The following LGR6 variants were observed in gnomAD, a reference collection of about 807,000 sequenced individuals.
LGR6 encodes leucine rich repeat containing G protein-coupled receptor 6, also known as leucine-rich repeat-containing G protein-coupled receptor 6.
In LGR6, 45 loss-of-function variants were observed where a neutral mutation model predicts 69.4. That is an observed-to-expected ratio of 0.65 (90% CI 0.51 to 0.83). LGR6 has a LOEUF of 0.83. Among genes scored for constraint, LGR6 ranks in the 40% least tolerant of loss-of-function variants. LGR6 has a pLI of 0.00. For synonymous variants in LGR6, 538 were observed against 555.0 expected (o/e 0.97, Z 0.43); for missense variants, 1,108 against 1,246.7 (o/e 0.89, Z 1.68).
At chr1:202,264,818 T>C (rs1013244770) in intron 4 of LGR6, among the ~76,000 whole-genome samples, 4 of 152,120 alleles carry the variant, frequency 2.6e-5, no homozygotes, top group African/African-American at 9.7e-5. Flanking sequence ...TATCATCCTT[T>C]GATGTATACA....
intron 1 of LGR6, among the ~76,000 whole-genome samples, chr1:202,224,728 G>A (rs1660393169): frequency 6.6e-6 from 1 of 152,222 alleles, no homozygotes; most frequent in Non-Finnish European, 1.5e-5. Context: ...AGGAGGTGGA[G>A]CTCAGGCGGG....
At chr1:202,229,381 C>T (rs534807484) in intron 3 of LGR6, among the ~76,000 whole-genome samples, 2 of 152,330 alleles carry the variant, frequency 1.3e-5, no homozygotes, top group South Asian at 4.1e-4. Context: ...TCCCCATAAA[C>T]TTCTCTGCCC....
At chr1:202,284,414 A>T (rs764441442) in intron 6 of LGR6, among the ~76,000 whole-genome samples, 2 of 152,202 alleles carry the variant, frequency 1.3e-5, no homozygotes, top group Non-Finnish European at 2.9e-5. Context: ...GACCAAATGT[A>T]GGTATTTGGG....
rs138106370 is a variant in LGR6, at chr1:202,298,524, C to CTT, written c.785+949_785+950insTT. On this transcript the variant is annotated intron_variant, in intron 7 of 17. Coordinates refer to ENST00000367278, the MANE Select transcript of LGR6 (RefSeq NM_001017403.2). Reference sequence around the variant, plus strand: ...CCCAAATTTTCAGGCAGCTTAGTATCTATTTTTTTTTTTTTTGAGACGGAG... The same window carrying CTT: ...CCCAAATTTTCAGGCAGCTTAGTATCTTTATTTTTTTTTTTTTTGAGACGGAG... The CTT allele has an allele frequency of 5.8e-3, 845 of 145,328 alleles. 17 individuals carry two copies. Among genetic ancestry groups the CTT allele is most frequent in the Non-Finnish European group, 8.3e-3 (551 of 66,282 alleles). The allele number at this position is 145,328 out of a possible 1,614,324, so 9.0% of individuals were successfully genotyped here.
chr1:202,232,671 T>TA (rs140473199), intron 3 of LGR6, among the ~76,000 whole-genome samples: 46,919 of 151,962 alleles, frequency 0.31, 8,041 homozygotes, highest in Non-Finnish European at 0.4. Flanking sequence ...AAAAAAATGT[T>TA]AAAACCTTGT....
intron 4 of LGR6, among the ~76,000 whole-genome samples, chr1:202,237,377 C>A (rs933787050): frequency 6.6e-6 from 1 of 152,234 alleles, no homozygotes; most frequent in Admixed American, 6.5e-5. Context: ...GGCACCAGCG[C>A]AGCAGGGACA....
intron 4 of LGR6, among the ~76,000 whole-genome samples, chr1:202,256,307 G>A (rs1334179263): frequency 2.6e-5 from 4 of 151,854 alleles, no homozygotes; most frequent in African/African-American, 7.3e-5. Context: ...GCAGTGGTGC[G>A]ATCTTGGCTC....
At chr1:202,266,920 A>T (rs1664717063) in intron 4 of LGR6, among the ~76,000 whole-genome samples, 1 of 151,912 alleles carries the variant, frequency 6.6e-6, no homozygotes, top group African/African-American at 2.4e-5. Context: ...ACACACACAC[A>T]ATCACAATTG....
intron 6 of LGR6, 72 bp downstream of exon 6, chr1:202,280,924 G>C: frequency 7.2e-7 from 1 of 1,391,850 alleles, no homozygotes; most frequent in Non-Finnish European, 1.0e-6. Flanking sequence ...AGTGGAGGGA[G>C]CACACAGAGG....
At position 202,318,927 on chromosome 1, in the gene LGR6, A is replaced by G. The variant is rs373576054; in HGVS notation, c.2624A>G (p.Asp875Gly). The change falls in exon 18 of 18, where the codon GAT becomes GGT. Residue 875 changes from aspartate (D) to glycine (G), a missense_variant. Coordinates refer to ENST00000367278, the MANE Select transcript of LGR6 (RefSeq NM_001017403.2). ...ACCCAGGCCCTGGTAGCCTTCTCTG[A>G]TGTGGATCTCATTCTGGAAGCTTCT... ...DSTQALVAFS[D>G]VDLILEASEA... is the part of the protein sequence containing the mutation. 1 of 1,613,922 alleles carries G rather than the reference A, an allele frequency of 6.2e-7. No individual in the cohort carries two copies. Among genetic ancestry groups the G allele is most frequent in the South Asian group, 1.1e-5 (1 of 91,062 alleles).
At chr1:202,283,620 A>G (rs986045827) in intron 6 of LGR6, among the ~76,000 whole-genome samples, 1 of 152,192 alleles carries the variant, frequency 6.6e-6, no homozygotes, top group African/African-American at 2.4e-5. Flanking sequence ...TAAGTGGGGA[A>G]AGCGGCCCCC....
intron 17 of LGR6, among the ~76,000 whole-genome samples, chr1:202,315,738 G>A (rs1654092844): frequency 6.6e-6 from 1 of 152,192 alleles, no homozygotes; most frequent in Admixed American, 6.5e-5. Flanking sequence ...GTGATTGCCT[G>A]GCCTTGCCCA....
chr1:202,271,427 G>C (rs979132924), intron 4 of LGR6, among the ~76,000 whole-genome samples: 6 of 152,158 alleles, frequency 3.9e-5, no homozygotes, highest in African/African-American at 1.4e-4. Flanking sequence ...GATAGTAAGA[G>C]GGGTTGCTCT....
chr1:202,221,806 C>T (rs1660172006), intron 1 of LGR6, among the ~76,000 whole-genome samples: 1 of 152,212 alleles, frequency 6.6e-6, no homozygotes, highest in East Asian at 1.9e-4. Context: ...CAACCAAACC[C>T]CAAGCACCCA....
chr1:202,301,288 CCTT>C (rs1667575911), intron 9 of LGR6, 53 bp downstream of exon 9: 1 of 1,440,728 alleles, frequency 6.9e-7, no homozygotes, highest in African/African-American at 1.4e-5. Flanking sequence ...TTTCCTCACT[CCTT>C]CTTGCTCTCT....
intron 4 of LGR6, among the ~76,000 whole-genome samples, chr1:202,260,968 A>T (rs1664184597): frequency 6.6e-6 from 1 of 152,076 alleles, no homozygotes; most frequent in African/African-American, 2.4e-5. Context: ...CTTTATCCTT[A>T]CAACTGAAAT....
chr1:202,292,998 T>C (rs1666901986), intron 6 of LGR6, among the ~76,000 whole-genome samples: 2 of 152,204 alleles, frequency 1.3e-5, no homozygotes, highest in Admixed American at 1.3e-4. Context: ...ATTTAATCTC[T>C]CTGTGCCTCG....
At chr1:202,278,431 G>A (rs909363818) in intron 5 of LGR6, among the ~76,000 whole-genome samples, 5 of 151,092 alleles carry the variant, frequency 3.3e-5, no homozygotes, top group Non-Finnish European at 7.4e-5. Flanking sequence ...TGAGGGGAAG[G>A]CCCACTGAGG....
chr1:202,307,781 G>T (rs75062639), intron 14 of LGR6, among the ~76,000 whole-genome samples: 3,014 of 152,318 alleles, frequency 0.02, 121 homozygotes, highest in African/African-American at 0.07. Context: ...AGAGAGCTCA[G>T]GGGTTCCCTG....
Sources: gnomAD v4.1 joint callset for allele counts (sites outside exome capture counted in the v4.1 genomes callset) on GRCh38, gnomAD v4.1.1 for gene constraint, MANE v1.5 for transcripts, NCBI Gene and HGNC (gene_info 2026-07-23, HGNC 2026-07-21) for gene names.